R3HDM2: variants seen among roughly 807,000 people sequenced by gnomAD.
R3HDM2 encodes the protein R3H domain-containing protein 2.
Under a neutral mutation model 124.5 loss-of-function variants are expected in R3HDM2, and 38 were observed. That is an observed-to-expected ratio of 0.31 (90% CI 0.24 to 0.40). The LOEUF (loss-of-function observed/expected upper bound fraction) is 0.40. Among genes scored for constraint, R3HDM2 ranks in the 10% least tolerant of loss-of-function variants. The probability of loss-of-function intolerance (pLI) is 1.00; values close to 1 mark genes in which losing one functional copy is unlikely to be tolerated. For synonymous variants in R3HDM2, 391 were observed against 448.0 expected, an observed-to-expected ratio of 0.87 and a Z score of 1.61; for missense variants, 869 against 1,236.9, an observed-to-expected ratio of 0.70 and a Z score of 4.46.
chr12:57,422,022 G>A (rs960808280), intron 1 of R3HDM2, among the ~76,000 whole-genome samples: 4 of 150,940 alleles, frequency 2.7e-5, no homozygotes, highest in African/African-American at 7.3e-5. Flanking sequence ...GAACCCGGGA[G>A]GCAGAGGTTG....
intron 1 of R3HDM2, among the ~76,000 whole-genome samples, chr12:57,421,611 A>C (rs2070208993): frequency 6.6e-6 from 1 of 151,752 alleles, no homozygotes; most frequent in Non-Finnish European, 1.5e-5. Context: ...GGTTTAGGTA[A>C]TCCTCCCACC....
At chr12:57,376,835 C>T (rs1448108720) in intron 2 of R3HDM2, among the ~76,000 whole-genome samples, 1 of 151,822 alleles carries the variant, frequency 6.6e-6, no homozygotes, top group Non-Finnish European at 1.5e-5. Flanking sequence ...CCTGTAATCC[C>T]AGCTACTTGG....
chr12:57,333,337 A>G lies in R3HDM2; in HGVS notation c.-35-22874T>C, dbSNP rs1184474006. Among the ~76,000 whole-genome samples the G allele has an allele frequency of 2.0e-5, 3 of 152,274 alleles. No individual in the cohort carries two copies. In the East Asian group the frequency reaches 5.8e-4, roughly 29 times the overall value. On this transcript the variant is annotated intron_variant, in intron 2 of 23. Transcript: ENST00000402412. Reference sequence around the variant, plus strand: ...CAGATTGGAGTAGAAAAAAAAGAAAAACATGGAAGAAAAAAGCTAATAATT... The same window carrying G: ...CAGATTGGAGTAGAAAAAAAAGAAAGACATGGAAGAAAAAAGCTAATAATT...
rs578132190 is a variant in R3HDM2 at position 57,255,787 on chromosome 12, C to T, written c.2632+203G>A. Reference sequence around the variant, plus strand: ...ATAATTGTGTTATTCCCACTTTTTACCATGATCTTCCTCAGAATCTGAGAT... The same window carrying T: ...ATAATTGTGTTATTCCCACTTTTTATCATGATCTTCCTCAGAATCTGAGAT... On this transcript the variant is annotated intron_variant, in intron 23 of 23. Transcript: ENST00000402412. Among the ~76,000 whole-genome samples, 3 of 152,294 alleles carry T rather than the reference C, an allele frequency of 2.0e-5. No individual in the cohort carries two copies. The South Asian group carries it at 6.2e-4, about 32-fold the overall frequency.
In R3HDM2 at chr12:57,421,896, C is replaced by T. The variant is rs1362395202; in HGVS notation, c.-106+8824G>A. ...CGGATCACCTAAGATCAGGAGTTCA[C>T]GACCAACCTGACCAACATGGTGAAA... On this transcript the variant is annotated intron_variant, in intron 1 of 23. Transcript: ENST00000402412. 1.3e-5 allele frequency among the ~76,000 whole-genome samples: 2 copies of T among 151,852 alleles called. 1 individual carries two copies.
At chr12:57,371,579 T>A (rs1297659594) in intron 2 of R3HDM2, among the ~76,000 whole-genome samples, 2 of 151,802 alleles carry the variant, frequency 1.3e-5, no homozygotes, top group Admixed American at 1.3e-4. Flanking sequence ...TTTCAAGATA[T>A]CTCCAAATAT....
chr12:57,312,305 ATTTTTTTT>A (rs201583405), intron 2 of R3HDM2, among the ~76,000 whole-genome samples: 1 of 133,104 alleles, frequency 7.5e-6, no homozygotes, highest in Non-Finnish European at 1.6e-5. Flanking sequence ...CTGCTTTGTG[ATTTTTTTT>A]TTTTTTTTTT....
At chr12:57,359,033 T>C (rs1292305890) in intron 2 of R3HDM2, among the ~76,000 whole-genome samples, 1 of 151,970 alleles carries the variant, frequency 6.6e-6, no homozygotes, top group Non-Finnish European at 1.5e-5. Flanking sequence ...TTCTCCTGCC[T>C]CAGCCTCCCG....
At chr12:57,316,428 G>A (rs548670544) in intron 2 of R3HDM2, among the ~76,000 whole-genome samples, 1 of 152,012 alleles carries the variant, frequency 6.6e-6, no homozygotes, top group Non-Finnish European at 1.5e-5. Context: ...AATGGAAAAG[G>A]TTTCCTATTT....
intron 1 of R3HDM2, among the ~76,000 whole-genome samples, chr12:57,427,760 T>A (rs1868303074): frequency 6.6e-6 from 1 of 151,898 alleles, no homozygotes; most frequent in Admixed American, 6.6e-5. Flanking sequence ...TAAATGTGTA[T>A]GCAGGAGGGG....
intron 2 of R3HDM2, among the ~76,000 whole-genome samples, chr12:57,312,675 A>G (rs2054161752): frequency 6.6e-6 from 1 of 152,134 alleles, no homozygotes. Flanking sequence ...GTTCGAGACC[A>G]GCCTGACCAA....
At position 57,312,975 on chromosome 12, in the gene R3HDM2, G is replaced by A. The variant is rs144040279; in HGVS notation, c.-35-2512C>T. On this transcript the variant is annotated intron_variant, in intron 2 of 23. Transcript: ENST00000402412. ...AAGTCATATAGTTGAATTTAAAGAT[G>A]AGAAATATTAGAAGAAACTAGCTAC... Among the ~76,000 whole-genome samples, 831 of 147,376 alleles carry A rather than the reference G, an allele frequency of 5.6e-3. 6 individuals are homozygous for A. Among genetic ancestry groups the A allele is most frequent in the African/African-American group, 0.02 (796 of 40,256 alleles).
At chr12:57,349,184 T>G (rs985609781) in intron 2 of R3HDM2, among the ~76,000 whole-genome samples, 5 of 151,566 alleles carry the variant, frequency 3.3e-5, no homozygotes, top group African/African-American at 9.7e-5. Flanking sequence ...ATTGAGACCA[T>G]CCTGGCTAAC....
intron 2 of R3HDM2, among the ~76,000 whole-genome samples, chr12:57,361,085 A>AAGCAT (rs2061902289): frequency 6.6e-6 from 1 of 151,204 alleles, no homozygotes; most frequent in Non-Finnish European, 1.5e-5. Flanking sequence ...AAGCAAAGCA[A>AAGCAT]AGCATAGGCT....
chr12:57,424,663 C>A (rs1335236758), intron 1 of R3HDM2, among the ~76,000 whole-genome samples: 1 of 152,136 alleles, frequency 6.6e-6, no homozygotes, highest in Non-Finnish European at 1.5e-5. Flanking sequence ...AACAAAGACA[C>A]AGGCCCAACA....
intron 2 of R3HDM2, among the ~76,000 whole-genome samples, chr12:57,363,912 T>C (rs1448704842): frequency 6.6e-6 from 1 of 151,936 alleles, no homozygotes; most frequent in Non-Finnish European, 1.5e-5. Context: ...TTTCTCCCAA[T>C]TCCCAGCCCT....
intron 6 of R3HDM2, 117 bp downstream of exon 6, chr12:57,299,235 C>T (rs1441460710): frequency 8.2e-7 from 1 of 1,217,340 alleles, no homozygotes; most frequent in Non-Finnish European, 1.1e-6. Context: ...CCTCAAGCAA[C>T]CAAGTTAGCA....
At chr12:57,391,264 C>G (rs1214312948) in intron 2 of R3HDM2, among the ~76,000 whole-genome samples, 1 of 152,066 alleles carries the variant, frequency 6.6e-6, no homozygotes, top group Non-Finnish European at 1.5e-5. Context: ...TCAAAAGGAA[C>G]AAATTATTGA....
At chr12:57,319,619 C>T (rs2055959703) in intron 2 of R3HDM2, among the ~76,000 whole-genome samples, 3 of 152,272 alleles carry the variant, frequency 2.0e-5, no homozygotes. Context: ...TACCTTATTT[C>T]CTTCTCTAAA....
Sources: gnomAD v4.1 joint callset for allele counts (sites outside exome capture counted in the v4.1 genomes callset) on GRCh38, gnomAD v4.1.1 for gene constraint, MANE v1.5 for transcripts, NCBI Gene and HGNC (gene_info 2026-07-23, HGNC 2026-07-21) for gene names.